CNTNAP2: variants seen among roughly 807,000 people sequenced by gnomAD.
The protein encoded by CNTNAP2 is contactin-associated protein-like 2.
CNTNAP2 carries 98 observed loss-of-function variants against 155.2 expected under a neutral mutation model. The ratio of observed to expected loss-of-function variants is 0.63; its 90% CI spans 0.54 to 0.75. CNTNAP2 has a LOEUF of 0.75. Among genes scored for constraint, CNTNAP2 ranks in the 30% least tolerant of loss-of-function variants. The pLI is 0.00. For missense variants in CNTNAP2, 1,727 were observed against 1,688.1 expected (o/e 1.02, Z -0.40); for synonymous variants, 651 against 631.2 (o/e 1.03, Z -0.47).
At chr7:147,458,855 C>T (rs1279084656) in intron 10 of CNTNAP2, among the ~76,000 whole-genome samples, 1 of 152,142 alleles carries the variant, frequency 6.6e-6, no homozygotes, top group East Asian at 1.9e-4. Context: ...AAGTATGGAG[C>T]TGGCATAAAT....
chr7:147,321,969 G>A (rs1411530068), intron 9 of CNTNAP2, among the ~76,000 whole-genome samples: 1 of 152,170 alleles, frequency 6.6e-6, no homozygotes, highest in African/African-American at 2.4e-5. Context: ...TGTTATATGA[G>A]AGAATATAGA....
chr7:147,841,580 A>C (rs1798732254), intron 13 of CNTNAP2, among the ~76,000 whole-genome samples: 1 of 152,188 alleles, frequency 6.6e-6, no homozygotes, highest in South Asian at 2.1e-4. Flanking sequence ...CCTATTTCAC[A>C]AAGTTATTCA....
At chr7:148,061,944 GATAAAC>G (rs1803149928) in intron 15 of CNTNAP2, among the ~76,000 whole-genome samples, 1 of 133,306 alleles carries the variant, frequency 7.5e-6, no homozygotes, top group Admixed American at 7.5e-5. Context: ...TAGATAGATA[GATAAAC>G]AGATATAGAT....
intron 1 of CNTNAP2, among the ~76,000 whole-genome samples, chr7:146,634,919 G>A (rs771284413): frequency 2.2e-4 from 33 of 152,160 alleles, no homozygotes; most frequent in Non-Finnish European, 4.3e-4. Flanking sequence ...GTACAGTTGT[G>A]TGTTTCTAAT....
intron 8 of CNTNAP2, among the ~76,000 whole-genome samples, chr7:147,293,012 C>T (rs747704134): frequency 2.6e-5 from 4 of 152,170 alleles, no homozygotes; most frequent in Non-Finnish European, 5.9e-5. Flanking sequence ...GGGTGATATG[C>T]CCGCTTCTGC....
intron 14 of CNTNAP2, among the ~76,000 whole-genome samples, chr7:147,966,765 G>A (rs1049231172): frequency 6.6e-6 from 1 of 151,996 alleles, no homozygotes; most frequent in Admixed American, 6.6e-5. Flanking sequence ...TAGTTTCAAG[G>A]GAAAGAAACA....
At chr7:147,802,566 GA>G in intron 13 of CNTNAP2, among the ~76,000 whole-genome samples, 1 of 152,278 alleles carries the variant, frequency 6.6e-6, no homozygotes. Flanking sequence ...TCGCGGTTAC[GA>G]GCTGGAGACC....
chr7:147,629,406 A>AAATAATAAT (rs56977512), intron 12 of CNTNAP2, among the ~76,000 whole-genome samples: 8 of 140,946 alleles, frequency 5.7e-5, no homozygotes, highest in South Asian at 2.3e-4. Flanking sequence ...TCTGTCTCAA[A>AAATAATAAT]AATAATAATA....
At chr7:147,764,186 G>A (rs1298996690) in intron 13 of CNTNAP2, among the ~76,000 whole-genome samples, 1 of 152,112 alleles carries the variant, frequency 6.6e-6, no homozygotes, top group Admixed American at 6.6e-5. Context: ...GCTCACAGGT[G>A]GTTCTTGGCA....
intron 4 of CNTNAP2, among the ~76,000 whole-genome samples, chr7:147,045,487 A>G (rs187059998): frequency 1.1e-3 from 171 of 152,336 alleles, no homozygotes; most frequent in Non-Finnish European, 2.1e-3. Flanking sequence ...TCATTTAAAA[A>G]TTCTCAAAAA....
At chr7:148,036,289 T>G (rs1802572406) in intron 15 of CNTNAP2, among the ~76,000 whole-genome samples, 1 of 152,184 alleles carries the variant, frequency 6.6e-6, no homozygotes, top group Admixed American at 6.5e-5. Context: ...TGAAATGCTA[T>G]AATTTGAAAC....
At chr7:146,777,212 T>G (rs1802405482) in intron 2 of CNTNAP2, among the ~76,000 whole-genome samples, 1 of 152,234 alleles carries the variant, frequency 6.6e-6, no homozygotes, top group African/African-American at 2.4e-5. Context: ...AGATCTACAC[T>G]TCATTGTAGC....
At chr7:146,597,236 A>G (rs1165295847) in intron 1 of CNTNAP2, among the ~76,000 whole-genome samples, 1 of 152,036 alleles carries the variant, frequency 6.6e-6, no homozygotes, top group Non-Finnish European at 1.5e-5. Flanking sequence ...AAATCATAGA[A>G]TTGTAGATTT....
intron 10 of CNTNAP2, among the ~76,000 whole-genome samples, chr7:147,448,160 T>C (rs535005407): frequency 6.6e-6 from 1 of 152,270 alleles, no homozygotes; most frequent in Admixed American, 6.5e-5. Context: ...AAGTGATATA[T>C]AGTATTTATA....
chr7:147,973,928 A>G (rs533323381), intron 14 of CNTNAP2, among the ~76,000 whole-genome samples: 1 of 152,164 alleles, frequency 6.6e-6, no homozygotes, highest in Non-Finnish European at 1.5e-5. Flanking sequence ...TTCTCACTTA[A>G]TGAATCATGA....
At chr7:146,362,059 G>C (rs769464651) in intron 1 of CNTNAP2, among the ~76,000 whole-genome samples, 1 of 152,062 alleles carries the variant, frequency 6.6e-6, no homozygotes, top group African/African-American at 2.4e-5. Context: ...TTTATGCATG[G>C]TTTTGTGTGT....
chr7:147,222,022 T>C (rs959073541), intron 8 of CNTNAP2, among the ~76,000 whole-genome samples: 1 of 152,202 alleles, frequency 6.6e-6, no homozygotes, highest in Non-Finnish European at 1.5e-5. Flanking sequence ...TTCAGGATTT[T>C]TTCTTTACCT....
At chr7:146,877,889 C>T (rs576704180) in intron 3 of CNTNAP2, among the ~76,000 whole-genome samples, 34 of 152,112 alleles carry the variant, frequency 2.2e-4, no homozygotes, top group Non-Finnish European at 3.5e-4. Context: ...ATCAAGTAAT[C>T]GACTTTCATA....
intron 1 of CNTNAP2, among the ~76,000 whole-genome samples, chr7:146,675,061 C>G (rs369052211): frequency 1.3e-5 from 2 of 152,128 alleles, no homozygotes; most frequent in African/African-American, 4.8e-5. Flanking sequence ...TTCACCCCAA[C>G]CAACAAGACT....
Sources: gnomAD v4.1 joint callset for allele counts (sites outside exome capture counted in the v4.1 genomes callset) on GRCh38, gnomAD v4.1.1 for gene constraint, MANE v1.5 for transcripts, NCBI Gene and HGNC (gene_info 2026-07-23, HGNC 2026-07-21) for gene names.